The following LRP6 variants were observed in gnomAD, a reference collection of about 807,000 sequenced individuals.
The protein encoded by LRP6 is low-density lipoprotein receptor-related protein 6.
In LRP6, 43 loss-of-function variants were observed where a neutral mutation model predicts 184.1. The ratio of observed to expected loss-of-function variants is 0.23; its 90% CI spans 0.18 to 0.30. The LOEUF is 0.30. LRP6 is among the 10% of genes least tolerant of loss of function. The probability of loss-of-function intolerance (pLI) is 1.00; values close to 1 mark genes in which losing one functional copy is unlikely to be tolerated. For missense variants in LRP6, 1,571 were observed against 2,005.3 expected, an observed-to-expected ratio of 0.78 and a Z score of 4.14; for synonymous variants, 719 against 684.9, an observed-to-expected ratio of 1.05 and a Z score of -0.78.
At chr12:12,224,149 C>T (rs778077480) in intron 2 of LRP6, among the ~76,000 whole-genome samples, 101 of 152,310 alleles carry the variant, frequency 6.6e-4, no homozygotes, top group Non-Finnish European at 1.1e-3. Context: ...TCTCAATCTG[C>T]ATTCCATCCT....
At chr12:12,202,412 G>C (rs1202026256) in intron 3 of LRP6, among the ~76,000 whole-genome samples, 1 of 152,200 alleles carries the variant, frequency 6.6e-6, no homozygotes, top group Non-Finnish European at 1.5e-5. Context: ...GTGTGATGGC[G>C]TGTGCCTATA....
At chr12:12,146,894 T>G (rs1350271666) in intron 15 of LRP6, among the ~76,000 whole-genome samples, 1 of 152,242 alleles carries the variant, frequency 6.6e-6, no homozygotes, top group Non-Finnish European at 1.5e-5. Context: ...GGCTTACGCC[T>G]GTAATCCCAG....
intron 1 of LRP6, among the ~76,000 whole-genome samples, chr12:12,246,753 T>C (rs1865196501): frequency 6.6e-6 from 1 of 152,076 alleles, no homozygotes; most frequent in South Asian, 2.1e-4. Flanking sequence ...TCTACAACTG[T>C]GTCATCTGAA....
chr12:12,193,246 C>T (rs1863663057), intron 3 of LRP6, among the ~76,000 whole-genome samples: 1 of 151,358 alleles, frequency 6.6e-6, no homozygotes, highest in Admixed American at 6.6e-5. Flanking sequence ...ATATAGAATA[C>T]TAATGCCTAT....
chr12:12,222,431 C>T (rs182093591), intron 2 of LRP6, among the ~76,000 whole-genome samples: 11 of 151,702 alleles, frequency 7.3e-5, no homozygotes, highest in African/African-American at 2.7e-4. Flanking sequence ...AGCCGGTCGT[C>T]GTGGTGGTGC....
intron 2 of LRP6, among the ~76,000 whole-genome samples, chr12:12,228,992 A>T (rs555777453): frequency 6.6e-6 from 1 of 152,320 alleles, no homozygotes; most frequent in East Asian, 1.9e-4. Context: ...TGGTACAGGG[A>T]TGTGATGCAG....
At chr12:12,190,314 T>A (rs1863579144) in intron 3 of LRP6, among the ~76,000 whole-genome samples, 2 of 152,166 alleles carry the variant, frequency 1.3e-5, no homozygotes, top group South Asian at 4.1e-4. Flanking sequence ...AGAACCAAGC[T>A]GGCAGGTAAG....
At chr12:12,197,501 G>C (rs1411245559) in intron 3 of LRP6, among the ~76,000 whole-genome samples, 2 of 152,218 alleles carry the variant, frequency 1.3e-5, no homozygotes, top group South Asian at 2.1e-4. Flanking sequence ...AAACACAGTT[G>C]GGTACATATA....
chr12:12,177,718 A>G (rs1863231167), intron 7 of LRP6, among the ~76,000 whole-genome samples: 2 of 152,174 alleles, frequency 1.3e-5, no homozygotes, highest in Non-Finnish European at 2.9e-5. Context: ...GGGAAATTAT[A>G]AAGGGAGGTC....
At chr12:12,226,861 A>C (rs1187681551) in intron 2 of LRP6, 3 of 152,314 alleles carry the variant, frequency 2.0e-5, no homozygotes, top group Middle Eastern at 6.8e-3. Flanking sequence ...GAATACAGAA[A>C]GAGAAAATAT....
At chr12:12,248,486 T>C (rs1485689722) in intron 1 of LRP6, among the ~76,000 whole-genome samples, 5 of 134,504 alleles carry the variant, frequency 3.7e-5, no homozygotes, top group Non-Finnish European at 7.9e-5. Flanking sequence ...TTTTTTTTTT[T>C]TTTTTTTTTT....
chr12:12,229,370 C>CAAAAAAAAAAAAAAAAAAAAAA (rs375650917), intron 2 of LRP6, among the ~76,000 whole-genome samples: 1 of 61,390 alleles, frequency 1.6e-5, no homozygotes, highest in Non-Finnish European at 3.8e-5. Flanking sequence ...AACTCCATTT[C>CAAAAAAAAAAAAAAAAAAAAAA]AAAAAAAAAA....
In LRP6 at chr12:12,203,197, T is replaced by A; in HGVS notation, c.647+6A>T. 1 of 1,591,840 alleles carries A rather than the reference T, an allele frequency of 6.3e-7. No homozygotes were observed. The highest frequency in any genetic ancestry group is 8.5e-7 in the Non-Finnish European group (1 of 1,170,814). On this transcript the variant is annotated splice_donor_region_variant and intron_variant, in intron 3 of 22. Transcript: ENST00000261349. ...TAAAAGTTTTTTCTAATTCTTGTAA[T>A]CTTACCGATTTGTTCCATCCAGATT...
chr12:12,151,403 A>G (rs1440747155), intron 12 of LRP6, among the ~76,000 whole-genome samples: 1 of 152,018 alleles, frequency 6.6e-6, no homozygotes, highest in Non-Finnish European at 1.5e-5. Flanking sequence ...GGGTGGCAGG[A>G]AGCCTGGGCT....
intron 7 of LRP6, among the ~76,000 whole-genome samples, chr12:12,179,139 T>TA (rs1202656731): frequency 6.6e-6 from 1 of 152,182 alleles, no homozygotes; most frequent in Non-Finnish European, 1.5e-5. Flanking sequence ...AGGCCACTAA[T>TA]AAAACACTGT....
At chr12:12,228,826 C>T (rs1392150410) in intron 2 of LRP6, among the ~76,000 whole-genome samples, 1 of 152,178 alleles carries the variant, frequency 6.6e-6, no homozygotes, top group East Asian at 1.9e-4. Context: ...GAACCAGTCC[C>T]TGGTGCCAAA....
chr12:12,240,280 G>C (rs1464922738), intron 2 of LRP6, among the ~76,000 whole-genome samples: 2 of 152,010 alleles, frequency 1.3e-5, no homozygotes, highest in South Asian at 4.1e-4. Context: ...CATACAAAAA[G>C]AATCTTTTTA....
At chr12:12,187,870 A>C (rs2137006837) in intron 3 of LRP6, among the ~76,000 whole-genome samples, 1 of 152,322 alleles carries the variant, frequency 6.6e-6, no homozygotes, top group African/African-American at 2.4e-5. Flanking sequence ...CCTAGTTAGT[A>C]CTTAAGGCAC....
intron 7 of LRP6, among the ~76,000 whole-genome samples, chr12:12,167,208 T>C (rs1027440811): frequency 6.6e-6 from 1 of 152,244 alleles, no homozygotes; most frequent in African/African-American, 2.4e-5. Context: ...CTGCATCTTC[T>C]ATTTACCAGT....
Sources: gnomAD v4.1 joint callset for allele counts (sites outside exome capture counted in the v4.1 genomes callset) on GRCh38, gnomAD v4.1.1 for gene constraint, MANE v1.5 for transcripts, NCBI Gene and HGNC (gene_info 2026-07-23, HGNC 2026-07-21) for gene names.